The following ATF7 variants were observed in gnomAD, a reference collection of about 807,000 sequenced individuals.
ATF7 encodes the protein cyclic AMP-dependent transcription factor ATF-7.
A neutral mutation model predicts 50.4 loss-of-function variants in ATF7; 10 were observed. That is an observed-to-expected ratio of 0.20 (90% confidence interval 0.12 to 0.34). ATF7 has a LOEUF of 0.34. Ranked by LOEUF, ATF7 falls within the 10% of genes least tolerant of loss-of-function variation. ATF7 has a pLI of 1.00. For synonymous variants in ATF7, 201 were observed against 226.4 expected (o/e 0.89, Z 1.01); for missense variants, 465 against 613.9 (o/e 0.76, Z 2.56).
At chr12:53,604,269 A>G (rs1440612069) in intron 1 of ATF7, among the ~76,000 whole-genome samples, 1 of 152,208 alleles carries the variant, frequency 6.6e-6, no homozygotes, top group Admixed American at 6.5e-5. Flanking sequence ...AGAATTTTTT[A>G]AATGATTAAA....
intron 2 of ATF7, among the ~76,000 whole-genome samples, chr12:53,558,145 G>A (rs1940864787): frequency 6.6e-6 from 1 of 152,178 alleles, no homozygotes; most frequent in African/African-American, 2.4e-5. Context: ...TTTAAATGCA[G>A]TTTAGAGTAT....
At chr12:53,620,330 A>T (rs1944323212) in intron 1 of ATF7, among the ~76,000 whole-genome samples, 1 of 151,810 alleles carries the variant, frequency 6.6e-6, no homozygotes, top group Admixed American at 6.6e-5. Flanking sequence ...TAATCCCAGC[A>T]CTTTGGGAGG....
intron 3 of ATF7, among the ~76,000 whole-genome samples, chr12:53,545,667 T>C (rs1403911516): frequency 6.6e-6 from 1 of 152,172 alleles, no homozygotes; most frequent in East Asian, 1.9e-4. Context: ...CTGAATACTT[T>C]CTATATGTTT....
At chr12:53,517,423 T>A (rs1350629542) in intron 11 of ATF7, 69 bp from the exon 12 acceptor site, 8 of 1,444,738 alleles carry the variant, frequency 5.5e-6, no homozygotes, top group Non-Finnish European at 7.6e-6. Flanking sequence ...GAGGCAGGAC[T>A]ACCTTTTGCC....
intron 1 of ATF7, among the ~76,000 whole-genome samples, chr12:53,604,149 G>A (rs915512833): frequency 1.3e-5 from 2 of 152,182 alleles, no homozygotes; most frequent in African/African-American, 4.8e-5. Context: ...CACTGACAAG[G>A]AGAAGTGGGA....
At chr12:53,579,342 G>A (rs762361462) in intron 2 of ATF7, among the ~76,000 whole-genome samples, 13 of 152,004 alleles carry the variant, frequency 8.6e-5, no homozygotes, top group Non-Finnish European at 1.8e-4. Flanking sequence ...AGACCAGCCT[G>A]GCCAAAATAG....
rs774265999 is a variant in ATF7 at position 53,524,422 on chromosome 12, C to G, written c.1125+142G>C. 6 of 957,110 alleles carry G rather than the reference C, an allele frequency of 6.3e-6. No individual in the cohort carries two copies. In the African/African-American group the frequency reaches 8.3e-5, roughly 13 times the overall value. 59.3% of individuals were successfully genotyped at this position (957,110 alleles called of 1,614,324 possible). On this transcript the variant is annotated intron_variant, in intron 10 of 11. Coordinates refer to ENST00000420353, the MANE Select transcript of ATF7 (RefSeq NM_006856.3). The surrounding 1 kb of genome is among the most constrained non-coding windows in gnomAD (Gnocchi z 4.6). ...CTATGAAAGAGATTTCAACTCTGAC[C>G]GTTAAGAGATTCTTCATGGGACAAC...
chr12:53,607,984 C>A (rs527614858), intron 1 of ATF7, among the ~76,000 whole-genome samples: 2 of 152,140 alleles, frequency 1.3e-5, no homozygotes, highest in East Asian at 3.9e-4. Flanking sequence ...CTCTGGGAGG[C>A]CGAGGCGGGC....
intron 1 of ATF7, among the ~76,000 whole-genome samples, chr12:53,610,496 C>T (rs1262773218): frequency 1.4e-5 from 2 of 145,758 alleles, no homozygotes; most frequent in Non-Finnish European, 3.0e-5. Flanking sequence ...ACCCAGAAGG[C>T]GGAGGTTGCA....
At chr12:53,607,822 G>A (rs1474090655) in intron 1 of ATF7, among the ~76,000 whole-genome samples, 1 of 152,126 alleles carries the variant, frequency 6.6e-6, no homozygotes, top group East Asian at 1.9e-4. Flanking sequence ...TGTACTTTTA[G>A]TATTTTTCAA....
chr12:53,581,958 A>G (rs1233784012), intron 2 of ATF7, among the ~76,000 whole-genome samples: 1 of 151,834 alleles, frequency 6.6e-6, no homozygotes, highest in East Asian at 1.9e-4. Context: ...CCATGTCTCT[A>G]TAAAAAATAA....
At chr12:53,621,788 C>CAAAAAA (rs559780353) in intron 1 of ATF7, among the ~76,000 whole-genome samples, 1 of 81,558 alleles carries the variant, frequency 1.2e-5, no homozygotes. Flanking sequence ...GACTCTGTCT[C>CAAAAAA]AAAAAAAAAA....
At position 53,559,678 on chromosome 12, in the gene ATF7, C is replaced by CAAAA. The variant is rs34508161; in HGVS notation, c.49-7045_49-7042dup. Among the ~76,000 whole-genome samples the CAAAA allele has an allele frequency of 2.9e-3, 251 of 85,130 alleles. 4 individuals carry two copies. Among genetic ancestry groups the CAAAA allele is most frequent in the African/African-American group, 0.011 (242 of 21,156 alleles). The allele number at this position is 85,130 out of a possible 152,430, so 55.8% of individuals were successfully genotyped here. A position where few individuals can be genotyped will look rare whatever the true frequency, so the allele number is the denominator to read the frequency against. ...TGGGTGACAGAGTGAGACTCCATCT[C>CAAAA]AAAAAAAAAAAAAAAAAAGCAAAAA... On this transcript the variant is annotated intron_variant, in intron 2 of 11. Transcript: ENST00000420353.
downstream of ATF7, among the ~76,000 whole-genome samples, chr12:53,508,573 A>T (rs867497008): frequency 6.8e-6 from 1 of 148,102 alleles, no homozygotes; most frequent in South Asian, 2.2e-4. Context: ...AAAAAAAATT[A>T]TTAAGATATA....
intron 2 of ATF7, among the ~76,000 whole-genome samples, chr12:53,565,698 G>T (rs1941411473): frequency 6.6e-6 from 1 of 151,988 alleles, no homozygotes; most frequent in Non-Finnish European, 1.5e-5. Flanking sequence ...TCACCATATT[G>T]GCCAGGCTGG....
chr12:53,553,127 C>T (rs1255749643), intron 2 of ATF7, among the ~76,000 whole-genome samples: 1 of 152,134 alleles, frequency 6.6e-6, no homozygotes, highest in African/African-American at 2.4e-5. Context: ...TTAGGAGAAC[C>T]ATTTAACTTC....
At chr12:53,541,848 G>A (rs1805417226) in intron 4 of ATF7, among the ~76,000 whole-genome samples, 1 of 152,010 alleles carries the variant, frequency 6.6e-6, no homozygotes, top group Admixed American at 6.6e-5. Flanking sequence ...TTGAGACAAA[G>A]TCTCACTCTG....
intron 3 of ATF7, among the ~76,000 whole-genome samples, chr12:53,545,384 A>G (rs1939834935): frequency 6.6e-6 from 1 of 152,136 alleles, no homozygotes; most frequent in African/African-American, 2.4e-5. Context: ...CAATGGCGCA[A>G]TCTCAGCTCA....
intron 1 of ATF7, among the ~76,000 whole-genome samples, chr12:53,607,377 A>C (rs1016322181): frequency 2.6e-5 from 4 of 152,214 alleles, no homozygotes; most frequent in African/African-American, 9.7e-5. Flanking sequence ...TCAATTTGGC[A>C]ATATTTATAT....
Sources: allele counts gnomAD v4.1 joint callset (sites outside exome capture counted in the v4.1 genomes callset), GRCh38; gene constraint gnomAD v4.1.1; non-coding constraint Gnocchi (gnomAD v3.1); transcripts MANE v1.5; gene names NCBI Gene and HGNC (gene_info 2026-07-23, HGNC 2026-07-21).